Variants in TAF4B observed in about 807,000 individuals in gnomAD.
TAF4B encodes transcription initiation factor TFIID subunit 4B.
A neutral mutation model predicts 86.4 loss-of-function variants in TAF4B; 38 were observed. The ratio of observed to expected loss-of-function variants is 0.44; its 90% CI spans 0.34 to 0.58. TAF4B has a LOEUF of 0.58. Ranked by LOEUF, TAF4B falls within the 20% of genes least tolerant of loss-of-function variation. TAF4B has a pLI of 0.02. For missense variants in TAF4B, 988 were observed against 1,027.6 expected (o/e 0.96, Z 0.53); for synonymous variants, 388 against 391.2 (o/e 0.99, Z 0.10).
chr18:26,258,864 ATT>A (rs369237752), intron 1 of TAF4B, among the ~76,000 whole-genome samples: 19 of 134,584 alleles, frequency 1.4e-4, no homozygotes, highest in Admixed American at 1.5e-4. Context: ...GCTACTTTTA[ATT>A]TTTTTTTTTT....
At chr18:26,237,043 T>G (rs1390822494) in intron 1 of TAF4B, among the ~76,000 whole-genome samples, 1 of 152,198 alleles carries the variant, frequency 6.6e-6, no homozygotes, top group African/African-American at 2.4e-5. Flanking sequence ...GGCTTTTTCC[T>G]AATTCTCCTT....
At chr18:26,371,877 T>A (rs1176154823) in intron 14 of TAF4B, among the ~76,000 whole-genome samples, 1 of 152,240 alleles carries the variant, frequency 6.6e-6, no homozygotes. Flanking sequence ...ACTGTGAATT[T>A]CTTTCTAGCC....
intron 1 of TAF4B, among the ~76,000 whole-genome samples, chr18:26,227,503 A>T (rs2055596292): frequency 6.6e-6 from 1 of 152,238 alleles, no homozygotes; most frequent in Non-Finnish European, 1.5e-5. Flanking sequence ...ACATCAGCGT[A>T]TTCGGGGGGG....
At chr18:26,292,038 C>A (rs2056600021) in intron 7 of TAF4B, among the ~76,000 whole-genome samples, 1 of 152,018 alleles carries the variant, frequency 6.6e-6, no homozygotes, top group African/African-American at 2.4e-5. Context: ...ATTTAAATTC[C>A]ACTCTGAAAA....
chr18:26,246,650 C>G (rs1439312086), intron 1 of TAF4B, among the ~76,000 whole-genome samples: 1 of 151,944 alleles, frequency 6.6e-6, no homozygotes, highest in Non-Finnish European at 1.5e-5. Flanking sequence ...TCTCCTGCCT[C>G]AGCCTCCCAA....
intron 7 of TAF4B, among the ~76,000 whole-genome samples, chr18:26,291,613 A>G (rs748668719): frequency 2.5e-4 from 38 of 150,372 alleles, no homozygotes; most frequent in Admixed American, 1.5e-3. Context: ...AGGCTGAGGC[A>G]TGAGAATCGC....
intron 1 of TAF4B, among the ~76,000 whole-genome samples, chr18:26,242,590 G>A (rs1448368642): frequency 1.3e-5 from 2 of 152,058 alleles, no homozygotes; most frequent in East Asian, 1.9e-4. Flanking sequence ...TTACATTTAA[G>A]GTTAATATTG....
chr18:26,240,782 T>G (rs999434113), intron 1 of TAF4B, among the ~76,000 whole-genome samples: 2 of 151,440 alleles, frequency 1.3e-5, no homozygotes, highest in African/African-American at 4.9e-5. Flanking sequence ...TTATTGAGAG[T>G]TTTTAGCATG....
intron 13 of TAF4B, among the ~76,000 whole-genome samples, chr18:26,340,493 G>A (rs1402308857): frequency 2.6e-5 from 4 of 152,282 alleles, no homozygotes; most frequent in South Asian, 2.1e-4. Flanking sequence ...AATAACTTGT[G>A]TATGACAGCA....
intron 9 of TAF4B, among the ~76,000 whole-genome samples, chr18:26,306,763 G>GTTATTTATTTAT (rs78568667): frequency 5.3e-5 from 8 of 150,992 alleles, no homozygotes; most frequent in Non-Finnish European, 1.0e-4. Context: ...CATCACTTCA[G>GTTATTTATTTAT]TTATTTATTT....
chr18:26,273,537 A>T (rs1236916397), intron 3 of TAF4B, among the ~76,000 whole-genome samples: 1 of 152,090 alleles, frequency 6.6e-6, no homozygotes, highest in Non-Finnish European at 1.5e-5. Context: ...AATTCTCAGC[A>T]TTTTAAATGT....
intron 9 of TAF4B, among the ~76,000 whole-genome samples, chr18:26,303,079 C>T (rs1206562520): frequency 1.9e-5 from 2 of 104,222 alleles, no homozygotes; most frequent in Non-Finnish European, 4.1e-5. Flanking sequence ...TTTCATACCC[C>T]CTCCACTTTC....
intron 13 of TAF4B, among the ~76,000 whole-genome samples, chr18:26,347,712 C>T (rs993923215): frequency 6.6e-6 from 1 of 152,136 alleles, no homozygotes. Flanking sequence ...CACACATAGA[C>T]TGAAAGTGAA....
chr18:26,376,540 A>T (rs1198054149), intron 14 of TAF4B, among the ~76,000 whole-genome samples: 1 of 150,690 alleles, frequency 6.6e-6, no homozygotes, highest in Non-Finnish European at 1.5e-5. Flanking sequence ...TTTATCCTGC[A>T]GCCTTGCTGA....
intron 5 of TAF4B, among the ~76,000 whole-genome samples, chr18:26,279,338 A>G (rs1409020436): frequency 1.3e-5 from 2 of 152,198 alleles, no homozygotes; most frequent in Non-Finnish European, 2.9e-5. Flanking sequence ...GATGTCTGCA[A>G]GGAGAAATAC....
intron 14 of TAF4B, among the ~76,000 whole-genome samples, chr18:26,382,528 A>G (rs1465545522): frequency 6.6e-6 from 1 of 152,076 alleles, no homozygotes; most frequent in Non-Finnish European, 1.5e-5. Context: ...TAGGTGAGGT[A>G]AGATGTTAGA....
At chr18:26,319,727 T>C (rs905050902) in intron 10 of TAF4B, among the ~76,000 whole-genome samples, 1 of 151,516 alleles carries the variant, frequency 6.6e-6, no homozygotes, top group Admixed American at 6.6e-5. Flanking sequence ...GTAGCTCGGA[T>C]TACAGGCATG....
At chr18:26,350,092 A>G (rs1181549980) in intron 13 of TAF4B, among the ~76,000 whole-genome samples, 1 of 152,240 alleles carries the variant, frequency 6.6e-6, no homozygotes, top group South Asian at 2.1e-4. Flanking sequence ...AAAACCTGAA[A>G]CTATAAAGCT....
chr18:26,282,476 C>A (rs983715470), intron 6 of TAF4B, among the ~76,000 whole-genome samples: 9 of 152,160 alleles, frequency 5.9e-5, no homozygotes, highest in Non-Finnish European at 1.3e-4. Flanking sequence ...TTTGAAAAAA[C>A]AATTACATAT....
Sources: gnomAD v4.1 joint callset for allele counts (sites outside exome capture counted in the v4.1 genomes callset) on GRCh38, gnomAD v4.1.1 for gene constraint, MANE v1.5 for transcripts, NCBI Gene and HGNC (gene_info 2026-07-23, HGNC 2026-07-21) for gene names.